Variants in BTD observed in about 807,000 individuals in gnomAD.
The protein encoded by BTD is biocytinase.
A neutral mutation model predicts 17.7 loss-of-function variants in BTD; 13 were observed. The ratio of observed to expected loss-of-function variants is 0.74; its 90% CI spans 0.48 to 1.17. The LOEUF (loss-of-function observed/expected upper bound fraction) is 1.17. BTD is among the 50% of genes most tolerant of loss of function. BTD has a pLI of 0.00. For synonymous variants in BTD, 240 were observed against 245.2 expected (o/e 0.98, Z 0.20); for missense variants, 674 against 650.4 (o/e 1.04, Z -0.39).
rs1559379313 is a variant in BTD at position 15,709,037 on chromosome 3, C to T, written c.400-1023C>T. On this transcript the variant is annotated intron_variant, in intron 3 of 3. Transcript: ENST00000672141. ...CTAATGCACTCTGTGTCAATTCCTA[C>T]TCTAAGTAACTTAACAGTAGTTTTA... 2.6e-5 allele frequency among the ~76,000 whole-genome samples: 4 copies of T among 152,296 alleles called. No individual in the cohort carries two copies. In the South Asian group the frequency reaches 6.2e-4, roughly 24 times the overall value.
rs187195905 is a variant in BTD at position 15,647,888 on chromosome 3, G to A, written c.*2400G>A. Among the ~76,000 whole-genome samples, 271 of 152,292 alleles carry A rather than the reference G, an allele frequency of 1.8e-3. No individual in the cohort carries two copies. Among genetic ancestry groups the A allele is most frequent in the African/African-American group, 5.5e-3 (229 of 41,558 alleles). On this transcript the variant is annotated 3_prime_UTR_variant, in exon 4 of 4. Coordinates refer to ENST00000643237, the MANE Select transcript of BTD (RefSeq NM_001370658.1). ...TATTCACACTGGATTTAAAAGCCCT[G>A]TTCTTAGAGAGGAAAAAACCAGGCC...
At position 15,601,833 on chromosome 3, in the gene BTD, C is replaced by CG. The variant is rs773118793; in HGVS notation, c.-74dup. On this transcript the variant is annotated 5_prime_UTR_variant, in exon 1 of 4. Transcript: ENST00000643237. ...CCGAGTCGGCCAGCTGGAGCGTTTT[C>CG]GGGGCTGTAAAGGGAGAATGGCGCA... 2 of 1,614,152 alleles carry CG rather than the reference C, an allele frequency of 1.2e-6. No homozygotes were observed. The highest frequency in any genetic ancestry group is 1.7e-6 in the Non-Finnish European group (2 of 1,180,028).
intron 1 of BTD, among the ~76,000 whole-genome samples, chr3:15,612,959 A>G (rs775017365): frequency 6.6e-6 from 1 of 152,214 alleles, no homozygotes; most frequent in Non-Finnish European, 1.5e-5. Flanking sequence ...TGTAGTATTC[A>G]TGGTGGCTTG....
At chr3:15,712,292 C>A in exon 4 of BTD, 1 of 1,213,920 alleles carries the variant, frequency 8.2e-7, no homozygotes, top group Non-Finnish European at 1.2e-6. Flanking sequence ...AAATACATTA[C>A]AAAGAGACCA....
intron 3 of BTD, chr3:15,667,310 C>T (rs2066029014): frequency 6.6e-6 from 1 of 152,176 alleles, no homozygotes; most frequent in Non-Finnish European, 1.5e-5. Context: ...TTTACAGCTA[C>T]ACTTAGAGAT....
chr3:15,607,531 A>G (rs958987407), intron 1 of BTD, among the ~76,000 whole-genome samples: 3 of 152,234 alleles, frequency 2.0e-5, no homozygotes, highest in African/African-American at 7.2e-5. Context: ...AAAGCCCCCA[A>G]ATTGGGATAG....
intron 1 of BTD, among the ~76,000 whole-genome samples, chr3:15,625,289 G>C (rs1421425713): frequency 6.6e-6 from 1 of 152,158 alleles, no homozygotes; most frequent in Non-Finnish European, 1.5e-5. Flanking sequence ...CTAGAGTTGG[G>C]TATTTCCCTT....
chr3:15,602,955 A>G (rs1268982305), intron 1 of BTD, among the ~76,000 whole-genome samples: 2 of 152,208 alleles, frequency 1.3e-5, no homozygotes, highest in African/African-American at 4.8e-5. Flanking sequence ...CAATCATGGC[A>G]GAAGGTGAAG....
intron 1 of BTD, among the ~76,000 whole-genome samples, chr3:15,631,695 G>C (rs1251237718): frequency 6.6e-6 from 1 of 152,196 alleles, no homozygotes; most frequent in African/African-American, 2.4e-5. Context: ...AGATCAGGAT[G>C]CTTACTTCAA....
downstream of BTD, among the ~76,000 whole-genome samples, chr3:15,716,695 CAAATA>C (rs955915140): frequency 3.9e-5 from 6 of 152,024 alleles, no homozygotes; most frequent in Admixed American, 3.9e-4. Context: ...CAAAACAAAA[CAAATA>C]AAAACTTGTA....
At chr3:15,685,366 C>A (rs774955161) in intron 3 of BTD, 2 of 1,613,982 alleles carry the variant, frequency 1.2e-6, no homozygotes, top group Non-Finnish European at 1.7e-6. Context: ...TATAGGCGTC[C>A]GGCCCCTGCT....
At chr3:15,717,053 C>T (rs1329491666), downstream of BTD, among the ~76,000 whole-genome samples, 2 of 152,152 alleles carry the variant, frequency 1.3e-5, no homozygotes, top group Non-Finnish European at 2.9e-5. Context: ...TACCATTAAT[C>T]TTGTTTTATA....
chr3:15,701,444 A>C (rs2070602609), intron 3 of BTD, among the ~76,000 whole-genome samples: 2 of 152,166 alleles, frequency 1.3e-5, no homozygotes, highest in South Asian at 4.1e-4. Flanking sequence ...CGGGAGTTCA[A>C]GACCTGCCTG....
chr3:15,670,273 G>A lies in BTD; in HGVS notation c.399+28216G>A, dbSNP rs186720268. On this transcript the variant is annotated intron_variant, in intron 3 of 3. Transcript: ENST00000672141. ...GAACTCCCTCCTCCTCAGCCTCTCA[G>A]TAGGTCTCAGAATCGGAGTCGTTGA... 1.8e-5 allele frequency: 29 copies of A among 1,612,678 alleles called. No homozygotes were observed. In the African/African-American group the frequency reaches 3.9e-4, roughly 21 times the overall value.
intron 3 of BTD, among the ~76,000 whole-genome samples, chr3:15,674,188 A>AAAAAAAAC: frequency 6.7e-6 from 1 of 150,088 alleles, no homozygotes; most frequent in African/African-American, 2.5e-5. Flanking sequence ...AAAAAAAAAA[A>AAAAAAAAC]AAAAAAAAAA....
rs532128310 is a variant in BTD at position 15,647,699 on chromosome 3, A to G, written c.*2211A>G. The stretch of plus-strand genomic sequence containing the variant: ...TCGATTGTGATCCTGAAACTCAGGA[A>G]GCAAATGGCAATCTTGACCACAACA... On this transcript the variant is annotated 3_prime_UTR_variant, in exon 4 of 4. Transcript: ENST00000643237. 1 of 152,360 alleles carries G rather than the reference A, an allele frequency of 6.6e-6. No homozygotes were observed. Among genetic ancestry groups the G allele is most frequent in the Admixed American group, 6.5e-5 (1 of 15,312 alleles). 9.4% of individuals were successfully genotyped at this position (152,360 alleles called of 1,614,324 possible).
intron 4 of BTD, among the ~76,000 whole-genome samples, chr3:15,721,719 G>A (rs1007721840): frequency 1.3e-5 from 2 of 152,098 alleles, no homozygotes; most frequent in Non-Finnish European, 2.9e-5. Flanking sequence ...GCTCAAAAAT[G>A]AGAAACAATT....
At chr3:15,617,265 C>T (rs531223034) in intron 1 of BTD, among the ~76,000 whole-genome samples, 3 of 152,274 alleles carry the variant, frequency 2.0e-5, no homozygotes, top group South Asian at 4.1e-4. Context: ...AGCTTATCTT[C>T]TTCTGTTCTT....
At chr3:15,661,928 G>A (rs1398959019) in intron 3 of BTD, among the ~76,000 whole-genome samples, 1 of 152,174 alleles carries the variant, frequency 6.6e-6, no homozygotes, top group Non-Finnish European at 1.5e-5. Flanking sequence ...TCAAAGATCA[G>A]TTAACTATAT....
Sources: allele counts gnomAD v4.1 joint callset (sites outside exome capture counted in the v4.1 genomes callset), GRCh38; gene constraint gnomAD v4.1.1; transcripts MANE v1.5; gene names NCBI Gene and HGNC (gene_info 2026-07-23, HGNC 2026-07-21).